The following PMS2 variants were observed in gnomAD, a reference collection of about 807,000 sequenced individuals.
PMS2 encodes PMS1 homolog 2, mismatch repair system component, also known as mismatch repair endonuclease PMS2.
A neutral mutation model predicts 90.0 loss-of-function variants in PMS2; 69 were observed. That is an observed-to-expected ratio of 0.77 (90% confidence interval 0.63 to 0.94). PMS2 has a LOEUF of 0.94. Among genes scored for constraint, PMS2 ranks in the 40% least tolerant of loss-of-function variants. PMS2 has a pLI of 0.00. For synonymous variants in PMS2, 332 were observed against 375.1 expected (o/e 0.89, Z 1.33); for missense variants, 966 against 1,040.2 (o/e 0.93, Z 0.98).
intron 12 of PMS2, among the ~76,000 whole-genome samples, chr7:5,979,466 C>T (rs1782100719): frequency 6.7e-6 from 1 of 149,746 alleles, no homozygotes; most frequent in African/African-American, 2.5e-5. Context: ...ATGACTCCCA[C>T]TTTTTCTGAA....
At chr7:5,996,412 G>A (rs573458428) in intron 7 of PMS2, among the ~76,000 whole-genome samples, 3 of 151,590 alleles carry the variant, frequency 2.0e-5, no homozygotes, top group South Asian at 2.1e-4. Context: ...AAAATCAGCC[G>A]GGCATGGTGG....
At chr7:5,997,276 T>C (rs776425738) in intron 7 of PMS2, 50 bp downstream of exon 7, 3 of 894,740 alleles carry the variant, frequency 3.4e-6, no homozygotes, top group Middle Eastern at 4.3e-4. Context: ...AAAAAAAAGC[T>C]CTCAGGATAA....
chr7:5,977,866 T>C, intron 13 of PMS2, 109 bp from the exon 14 acceptor site: 1 of 1,522,082 alleles, frequency 6.6e-7, no homozygotes, highest in Admixed American at 1.7e-5. Flanking sequence ...ACGCCTGTAA[T>C]CCCTGCACTT....
At position 5,976,221 on chromosome 7, in the gene PMS2, C is replaced by T. The variant is rs1392721879; in HGVS notation, c.2445+1367G>A. On this transcript the variant is annotated intron_variant, in intron 14 of 14. Coordinates refer to ENST00000265849, the MANE Select transcript of PMS2 (RefSeq NM_000535.7). Reference sequence around the variant, plus strand: ...ACTGCACTCCAGCCTAGTAACAGAGCGAGACTCCGTCTCAAAAACAGACAA... The same window carrying T: ...ACTGCACTCCAGCCTAGTAACAGAGTGAGACTCCGTCTCAAAAACAGACAA... Among the ~76,000 whole-genome samples, 22 of 141,704 alleles carry T rather than the reference C, an allele frequency of 1.6e-4. No individual in the cohort carries two copies. The East Asian group carries it at 4.1e-3, about 27-fold the overall frequency. The allele number at this position is 141,704 out of a possible 152,430, so 93.0% of individuals were successfully genotyped here.
intron 9 of PMS2, among the ~76,000 whole-genome samples, chr7:5,990,751 A>G (rs1783646995): frequency 6.6e-6 from 1 of 152,150 alleles, no homozygotes; most frequent in South Asian, 2.1e-4. Flanking sequence ...AGTGGCTCAC[A>G]CCCTGTAATC....
intron 8 of PMS2, among the ~76,000 whole-genome samples, chr7:5,994,722 G>A (rs182690414): frequency 1.3e-5 from 2 of 151,896 alleles, no homozygotes; most frequent in African/African-American, 4.8e-5. Context: ...CTTGCAGTGA[G>A]CCGAGACCAC....
intron 8 of PMS2, among the ~76,000 whole-genome samples, chr7:5,995,316 C>T (rs1315064085): frequency 6.6e-6 from 1 of 152,172 alleles, no homozygotes; most frequent in African/African-American, 2.4e-5. Context: ...GGATTACAGG[C>T]ATGAGCCACT....
intron 10 of PMS2, 87 bp from the exon 11 acceptor site, chr7:5,987,707 G>A (rs1389777185): frequency 7.0e-5 from 67 of 950,494 alleles, no homozygotes; most frequent in Non-Finnish European, 1.1e-4. Flanking sequence ...CTTCACAAAA[G>A]AGGAGATCCA....
At chr7:6,005,138 C>T (rs533682585) in intron 2 of PMS2, among the ~76,000 whole-genome samples, 1 of 152,040 alleles carries the variant, frequency 6.6e-6, no homozygotes, top group African/African-American at 2.4e-5. Context: ...CTCCTGACCT[C>T]AAATGATCAG....
intron 9 of PMS2, among the ~76,000 whole-genome samples, chr7:5,990,958 T>C (rs571939759): frequency 1.3e-5 from 2 of 152,208 alleles, no homozygotes; most frequent in Admixed American, 1.3e-4. Context: ...GAGGTTACAG[T>C]GAGCTGATAT....
In PMS2 at chr7:5,987,330, G is replaced by C. The variant is rs376344586; in HGVS notation, c.1435C>G (p.His479Asp). The change falls in exon 11 of 15, where the codon CAC (histidine) becomes GAC (aspartate). Residue 479 changes from histidine (H) to aspartate (D), a missense_variant. Physicochemically the swap from His to Asp is moderately conservative, Grantham distance 81. Transcript: ENST00000265849. The stretch of plus-strand genomic sequence containing the variant: ...CTGTCCGTAGGGTCACTGGGTCCGT[G>C]ACTGGAACTCACTGCCTCTTTCTGA... ...RPQKEAVSSSHGPSDPTDRAE... is the reference protein window; with the variant it reads ...RPQKEAVSSSDGPSDPTDRAE... 23 of 1,614,124 alleles carry C rather than the reference G, an allele frequency of 1.4e-5. No homozygotes were observed. Among genetic ancestry groups the C allele is most frequent in the Non-Finnish European group, 1.9e-5 (23 of 1,180,026 alleles).
chr7:5,995,391 T>C (rs1305170650), intron 8 of PMS2, 143 bp downstream of exon 8: 10 of 682,596 alleles, frequency 1.5e-5, no homozygotes, highest in Non-Finnish European at 2.4e-5. Context: ...GGTAGACTTC[T>C]GTAAATGCAC....
intron 2 of PMS2, among the ~76,000 whole-genome samples, chr7:6,005,418 T>G (rs966672815): frequency 6.6e-6 from 1 of 152,172 alleles, no homozygotes; most frequent in Non-Finnish European, 1.5e-5. Flanking sequence ...TTGGACAGGC[T>G]GGTCTCGAAC....
rs758471869 is a variant in PMS2 at position 6,002,643 on chromosome 7, G to C, written c.354-7C>G. The C allele has an allele frequency of 1.2e-6, 2 of 1,608,710 alleles. No individual in the cohort carries two copies. Among genetic ancestry groups the C allele is most frequent in the South Asian group, 2.2e-5 (2 of 90,920 alleles). On this transcript the variant is annotated splice_polypyrimidine_tract_variant and splice_region_variant and intron_variant, in intron 4 of 14. Coordinates refer to ENST00000265849, the MANE Select transcript of PMS2 (RefSeq NM_000535.7). ...GGTAGAAATGGTGACATCGCTGTGA[G>C]AGAATACCAGGCATGGTGTGTTCAG... is the stretch of plus-strand genomic sequence containing the variant.
intron 12 of PMS2, 99 bp from the exon 13 acceptor site, chr7:5,978,795 A>G (rs575513580): frequency 7.8e-7 from 1 of 1,284,304 alleles, no homozygotes; most frequent in African/African-American, 1.5e-5. Flanking sequence ...TTTTGAATTC[A>G]TGTCAAAATA....
intron 14 of PMS2, among the ~76,000 whole-genome samples, chr7:5,975,974 C>T (rs1385459093): frequency 7.1e-6 from 1 of 140,298 alleles, no homozygotes; most frequent in African/African-American, 2.5e-5. Context: ...GGTGCGGTGG[C>T]TCACGCCTGT....
intron 11 of PMS2, among the ~76,000 whole-genome samples, chr7:5,986,264 G>A (rs1304376231): frequency 2.6e-5 from 4 of 151,632 alleles, no homozygotes; most frequent in Middle Eastern, 3.4e-3. Context: ...TTGTAGAGAC[G>A]AGGTCTCCCT....
In PMS2 at chr7:5,987,314, G is replaced by C. The variant is rs1583319873; in HGVS notation, c.1451C>G (p.Pro484Arg). ...AVSSSHGPSDPTDRAEVEKDS... is the reference protein window; with the variant it reads ...AVSSSHGPSDRTDRAEVEKDS... ...CTTCTCCACCTCCGCTCTGTCCGTAGGGTCACTGGGTCCGTGACTGGAACT... is the reference window on the plus strand; with the variant it reads ...CTTCTCCACCTCCGCTCTGTCCGTACGGTCACTGGGTCCGTGACTGGAACT... The change falls in exon 11 of 15, where the codon CCT becomes CGT. Residue 484 changes from proline to arginine, a missense_variant. Physicochemically the swap from Pro to Arg is moderately radical, Grantham distance 103 (BLOSUM62 -2). Transcript: ENST00000265849. 1 of 1,614,090 alleles carries C rather than the reference G, an allele frequency of 6.2e-7. No homozygotes were observed. The highest frequency in any genetic ancestry group is 8.5e-7 in the Non-Finnish European group (1 of 1,179,994).
intron 2 of PMS2, among the ~76,000 whole-genome samples, chr7:6,005,172 T>A (rs1457410614): frequency 2.0e-5 from 3 of 151,760 alleles, no homozygotes; most frequent in Non-Finnish European, 4.4e-5. Context: ...CCCAAAGTGC[T>A]GGTATTACAG....
Sources: gnomAD v4.1 joint callset for allele counts (sites outside exome capture counted in the v4.1 genomes callset) on GRCh38, gnomAD v4.1.1 for gene constraint, MANE v1.5 for transcripts, NCBI Gene and HGNC (gene_info 2026-07-23, HGNC 2026-07-21) for gene names.